ZNF804B: variants seen among roughly 807,000 people sequenced by gnomAD.
The protein encoded by ZNF804B is zinc finger protein 804B.
ZNF804B carries 80 observed loss-of-function variants against 101.4 expected under a neutral mutation model. The observed-to-expected ratio is 0.79, with a 90% CI of 0.66 to 0.95. The LOEUF (loss-of-function observed/expected upper bound fraction) is 0.95. Among genes scored for constraint, ZNF804B ranks in the 40% least tolerant of loss-of-function variants. The probability of loss-of-function intolerance (pLI) is 0.00; values close to 1 mark genes in which losing one functional copy is unlikely to be tolerated. For missense variants in ZNF804B, 1,673 were observed against 1,561.9 expected (o/e 1.07, Z -1.20); for synonymous variants, 622 against 558.8 (o/e 1.11, Z -1.59).
intron 1 of ZNF804B, among the ~76,000 whole-genome samples, chr7:88,816,525 C>G (rs1196096558): frequency 1.3e-5 from 2 of 151,788 alleles, no homozygotes; most frequent in African/African-American, 4.8e-5. Flanking sequence ...TGAACTCAAA[C>G]AAATTTACAA....
chr7:88,932,288 C>G (rs28619091), intron 1 of ZNF804B, among the ~76,000 whole-genome samples: 4 of 151,602 alleles, frequency 2.6e-5, no homozygotes. Context: ...ATGACTACAT[C>G]AAAAAGTCTG....
intron 1 of ZNF804B, among the ~76,000 whole-genome samples, chr7:88,815,787 C>G (rs13244908): frequency 0.21 from 31,185 of 151,976 alleles, 3,486 homozygotes; most frequent in East Asian, 0.41. Context: ...TCTGTCTTCC[C>G]ATGCCAAGCT....
intron 1 of ZNF804B, among the ~76,000 whole-genome samples, chr7:89,143,622 G>T (rs1029704022): frequency 6.6e-6 from 1 of 151,832 alleles, no homozygotes; most frequent in African/African-American, 2.4e-5. Context: ...AGACATAAAT[G>T]ATTTCACATT....
intron 1 of ZNF804B, among the ~76,000 whole-genome samples, chr7:88,910,977 T>C (rs1792541382): frequency 6.6e-6 from 1 of 152,016 alleles, no homozygotes; most frequent in African/African-American, 2.4e-5. Context: ...ATAGAGGCGA[T>C]AGGTTAACTG....
chr7:89,121,815 A>G (rs912876406), intron 1 of ZNF804B, among the ~76,000 whole-genome samples: 8 of 152,192 alleles, frequency 5.3e-5, no homozygotes, highest in Admixed American at 6.5e-5. Flanking sequence ...GTGGTACCAC[A>G]GAGGCACAAA....
intron 1 of ZNF804B, among the ~76,000 whole-genome samples, chr7:89,041,890 T>C (rs949813310): frequency 5.3e-5 from 8 of 152,184 alleles, no homozygotes; most frequent in African/African-American, 1.9e-4. Flanking sequence ...TTGTTCAAAT[T>C]AATGTTTCTG....
At chr7:89,021,849 C>T (rs1243734736) in intron 1 of ZNF804B, among the ~76,000 whole-genome samples, 1 of 152,108 alleles carries the variant, frequency 6.6e-6, no homozygotes, top group South Asian at 2.1e-4. Flanking sequence ...AAGATTGTAC[C>T]ATGTTGCAGT....
chr7:89,309,759 C>CAAAAAAAAAAAAAAAAAAAAAA (rs397791531), intron 2 of ZNF804B, among the ~76,000 whole-genome samples: 1 of 70,820 alleles, frequency 1.4e-5, no homozygotes, highest in African/African-American at 6.4e-5. Flanking sequence ...GACCCTGTCT[C>CAAAAAAAAAAAAAAAAAAAAAA]AAAAAAAAAA....
intron 1 of ZNF804B, among the ~76,000 whole-genome samples, chr7:88,912,992 G>A (rs1792572104): frequency 6.6e-6 from 1 of 152,112 alleles, no homozygotes; most frequent in African/African-American, 2.4e-5. Context: ...CATTTAGATT[G>A]TTTTCGATGT....
intron 1 of ZNF804B, among the ~76,000 whole-genome samples, chr7:89,062,230 T>C (rs918491964): frequency 2.6e-5 from 4 of 152,086 alleles, no homozygotes; most frequent in Non-Finnish European, 5.9e-5. Flanking sequence ...TCTCCATTCT[T>C]TACAGAACAT....
chr7:89,010,712 GCT>G (rs1264219015), intron 1 of ZNF804B, among the ~76,000 whole-genome samples: 3 of 152,152 alleles, frequency 2.0e-5, no homozygotes, highest in African/African-American at 7.2e-5. Context: ...ATGTTGTAAA[GCT>G]CTCTCTTTTA....
intron 1 of ZNF804B, among the ~76,000 whole-genome samples, chr7:89,145,758 A>C (rs1313901739): frequency 2.6e-5 from 4 of 152,030 alleles, no homozygotes; most frequent in African/African-American, 9.7e-5. Context: ...CTCCCTAAAT[A>C]GTTCAGAGAC....
At chr7:89,046,874 A>G (rs1253214966) in intron 1 of ZNF804B, among the ~76,000 whole-genome samples, 1 of 152,056 alleles carries the variant, frequency 6.6e-6, no homozygotes, top group Non-Finnish European at 1.5e-5. Flanking sequence ...TCACTGGTGC[A>G]GTCCAGTTAT....
intron 1 of ZNF804B, among the ~76,000 whole-genome samples, chr7:88,858,623 G>A (rs1791605321): frequency 6.6e-6 from 1 of 152,042 alleles, no homozygotes; most frequent in Non-Finnish European, 1.5e-5. Flanking sequence ...TGAACATACT[G>A]GGGTACTTTG....
chr7:88,945,942 A>G (rs547995905), intron 1 of ZNF804B, among the ~76,000 whole-genome samples: 4 of 152,248 alleles, frequency 2.6e-5, no homozygotes, highest in South Asian at 2.1e-4. Flanking sequence ...TTGATTTTGT[A>G]TCCTGAGACT....
chr7:88,991,833 A>G (rs1291892946), intron 1 of ZNF804B, among the ~76,000 whole-genome samples: 1 of 152,186 alleles, frequency 6.6e-6, no homozygotes, highest in African/African-American at 2.4e-5. Context: ...TGAGGCTTAC[A>G]TATGATATAG....
chr7:89,105,624 C>A (rs899574954), intron 1 of ZNF804B, among the ~76,000 whole-genome samples: 1 of 152,110 alleles, frequency 6.6e-6, no homozygotes, highest in African/African-American at 2.4e-5. Flanking sequence ...CTATAACCAT[C>A]ATCAACACAG....
chr7:89,003,668 C>T (rs921378654), intron 1 of ZNF804B, among the ~76,000 whole-genome samples: 17 of 151,840 alleles, frequency 1.1e-4, no homozygotes, highest in Non-Finnish European at 1.5e-5. Context: ...AAATGGATGC[C>T]AGAATCAGAA....
chr7:89,054,721 T>A (rs989765947), intron 1 of ZNF804B, among the ~76,000 whole-genome samples: 1 of 152,206 alleles, frequency 6.6e-6, no homozygotes, highest in African/African-American at 2.4e-5. Context: ...CATTTATTTA[T>A]TTATTTTTGG....
Sources: gnomAD v4.1 joint callset for allele counts (sites outside exome capture counted in the v4.1 genomes callset) on GRCh38, gnomAD v4.1.1 for gene constraint, MANE v1.5 for transcripts, NCBI Gene and HGNC (gene_info 2026-07-23, HGNC 2026-07-21) for gene names.